Variants in CNTN4 observed in about 807,000 individuals in gnomAD.
CNTN4 encodes the protein contactin 4, also known as contactin-4.
Under a neutral mutation model 122.5 loss-of-function variants are expected in CNTN4, and 77 were observed. That is an observed-to-expected ratio of 0.63 (90% CI 0.52 to 0.76). The LOEUF (loss-of-function observed/expected upper bound fraction) is 0.76, where lower values mean the gene tolerates loss of function less well. Ranked by LOEUF, CNTN4 falls within the 30% of genes least tolerant of loss-of-function variation. CNTN4 has a pLI of 0.00. For missense variants in CNTN4, 1,256 were observed against 1,259.1 expected (o/e 1.00, Z 0.04); for synonymous variants, 512 against 447.0 (o/e 1.15, Z -1.83).
chr3:2,800,821 A>G (rs1487720120), intron 6 of CNTN4, among the ~76,000 whole-genome samples: 1 of 152,116 alleles, frequency 6.6e-6, no homozygotes, highest in Non-Finnish European at 1.5e-5. Flanking sequence ...CATGTTCAGA[A>G]TCCTGTCTTT....
chr3:3,050,167 G>A (rs1369921914), intron 23 of CNTN4, among the ~76,000 whole-genome samples: 3 of 152,108 alleles, frequency 2.0e-5, no homozygotes, highest in Non-Finnish European at 4.4e-5. Context: ...TTCAACATGA[G>A]TTTTGGAGAG....
chr3:2,218,750 C>G (rs1178520), intron 2 of CNTN4, among the ~76,000 whole-genome samples: 45,441 of 152,020 alleles, frequency 0.3, 7,163 homozygotes, highest in African/African-American at 0.36. Context: ...AGGATTGATT[C>G]CAGCCTACAA....
chr3:2,732,507 A>T (rs538284049), intron 4 of CNTN4, among the ~76,000 whole-genome samples: 1 of 152,068 alleles, frequency 6.6e-6, no homozygotes, highest in African/African-American at 2.4e-5. Context: ...CTGTGATAAA[A>T]AAAAAAAAAA....
chr3:2,881,460 C>A (rs907859696), intron 8 of CNTN4, among the ~76,000 whole-genome samples: 1 of 151,390 alleles, frequency 6.6e-6, no homozygotes, highest in African/African-American at 2.4e-5. Flanking sequence ...TTGCAGTGAG[C>A]CAAAATTGTA....
chr3:2,965,466 C>T (rs892179136), intron 13 of CNTN4, among the ~76,000 whole-genome samples: 3 of 152,208 alleles, frequency 2.0e-5, no homozygotes, highest in African/African-American at 7.2e-5. Flanking sequence ...ACCAACGCAA[C>T]TGAGGAAGAG....
At chr3:2,449,636 G>T (rs2048752720) in intron 3 of CNTN4, among the ~76,000 whole-genome samples, 1 of 145,900 alleles carries the variant, frequency 6.9e-6, no homozygotes, top group African/African-American at 2.5e-5. Flanking sequence ...AAAAAAAAAT[G>T]CAGACTGCTA....
At chr3:2,522,851 T>C (rs1185863901) in intron 3 of CNTN4, among the ~76,000 whole-genome samples, 1 of 152,072 alleles carries the variant, frequency 6.6e-6, no homozygotes, top group African/African-American at 2.4e-5. Flanking sequence ...TTGAGTGTCT[T>C]TTTCTTTCAT....
intron 4 of CNTN4, among the ~76,000 whole-genome samples, chr3:2,632,064 GCACA>G (rs35316929): frequency 6.2e-5 from 9 of 144,010 alleles, no homozygotes; most frequent in Middle Eastern, 3.7e-3. Context: ...ATACACATAC[GCACA>G]CACACACACA....
At chr3:2,271,346 T>G (rs1301026738) in intron 2 of CNTN4, among the ~76,000 whole-genome samples, 1 of 152,160 alleles carries the variant, frequency 6.6e-6, no homozygotes, top group African/African-American at 2.4e-5. Context: ...TAAGAATATG[T>G]TCTTGAAGGA....
chr3:2,909,860 C>A (rs943215290), intron 12 of CNTN4, among the ~76,000 whole-genome samples: 3 of 152,176 alleles, frequency 2.0e-5, no homozygotes, highest in African/African-American at 7.2e-5. Flanking sequence ...GATGTTGATG[C>A]TGATGCTGCT....
intron 2 of CNTN4, among the ~76,000 whole-genome samples, chr3:2,209,210 A>G (rs1208884403): frequency 1.3e-5 from 2 of 152,142 alleles, no homozygotes; most frequent in East Asian, 1.9e-4. Context: ...GTCCTCTGCT[A>G]TGTTCCTGTC....
intron 2 of CNTN4, among the ~76,000 whole-genome samples, chr3:2,122,652 G>A (rs1053920411): frequency 6.6e-6 from 1 of 152,134 alleles, no homozygotes; most frequent in African/African-American, 2.4e-5. Flanking sequence ...ATACTGTATT[G>A]TACATTTAAA....
At chr3:2,570,114 T>C (rs934354657) in intron 3 of CNTN4, among the ~76,000 whole-genome samples, 1 of 152,078 alleles carries the variant, frequency 6.6e-6, no homozygotes, top group Non-Finnish European at 1.5e-5. Context: ...TTTACTAACT[T>C]CATGTTGCAA....
At position 2,276,565 on chromosome 3, in the gene CNTN4, G is replaced by T. The variant is rs17011624; in HGVS notation, c.-144-62613G>T. 8.0e-3 allele frequency among the ~76,000 whole-genome samples: 1,221 copies of T among 152,158 alleles called. 18 individuals carry two copies. Among genetic ancestry groups the T allele is most frequent in the African/African-American group, 0.028 (1,156 of 41,510 alleles). On this transcript the variant is annotated intron_variant, in intron 2 of 24. Coordinates refer to ENST00000418658, the MANE Select transcript of CNTN4 (RefSeq NM_175607.3). ...GAAAGTAAGACTCTTCTATTTTTTA[G>T]GATCTCTGTGGCATAGTGCATTGCA...
At chr3:2,595,155 A>G (rs191491150) in intron 4 of CNTN4, among the ~76,000 whole-genome samples, 74 of 152,344 alleles carry the variant, frequency 4.9e-4, no homozygotes, top group African/African-American at 1.7e-3. Context: ...ACATGCTTTT[A>G]TTAGCTCCTT....
intron 6 of CNTN4, among the ~76,000 whole-genome samples, chr3:2,791,506 C>T (rs967938867): frequency 1.3e-5 from 2 of 150,196 alleles, no homozygotes; most frequent in Admixed American, 6.7e-5. Flanking sequence ...GCACTCCAGC[C>T]TGGGTGATGG....
chr3:2,519,086 T>C (rs1490419228), intron 3 of CNTN4, among the ~76,000 whole-genome samples: 1 of 152,190 alleles, frequency 6.6e-6, no homozygotes, highest in East Asian at 1.9e-4. Flanking sequence ...AGAATGTTTC[T>C]TTTCTCCTGG....
chr3:2,376,886 G>A (rs545819703), intron 3 of CNTN4, among the ~76,000 whole-genome samples: 1 of 152,002 alleles, frequency 6.6e-6, no homozygotes, highest in African/African-American at 2.4e-5. Context: ...AGCAGGGCGC[G>A]GTGGCTCACG....
chr3:2,166,032 C>T (rs757217430), intron 2 of CNTN4, among the ~76,000 whole-genome samples: 1 of 152,046 alleles, frequency 6.6e-6, no homozygotes, highest in Non-Finnish European at 1.5e-5. Flanking sequence ...TCTGTCTCTT[C>T]GAGAGAGCTA....
Sources: allele counts gnomAD v4.1 joint callset (sites outside exome capture counted in the v4.1 genomes callset), GRCh38; gene constraint gnomAD v4.1.1; transcripts MANE v1.5; gene names NCBI Gene and HGNC (gene_info 2026-07-23, HGNC 2026-07-21).